MALRD1: variants seen among roughly 807,000 people sequenced by gnomAD.
MALRD1 encodes the protein MAM and LDL receptor class A domain containing 1.
A neutral mutation model predicts 242.1 loss-of-function variants in MALRD1; 247 were observed. The observed-to-expected ratio is 1.02, with a 90% confidence interval of 0.92 to 1.13. The LOEUF is 1.13. MALRD1 is among the 50% of genes most tolerant of loss of function. The pLI is 0.00. For synonymous variants in MALRD1, 995 were observed against 866.6 expected (o/e 1.15, Z -2.60); for missense variants, 2,989 against 2,533.1 (o/e 1.18, Z -3.86).
intron 26 of MALRD1, among the ~76,000 whole-genome samples, chr10:19,383,755 T>TTA (rs1394741125): frequency 1.3e-5 from 2 of 151,920 alleles, no homozygotes; most frequent in African/African-American, 4.8e-5. Flanking sequence ...AACAAAAACT[T>TTA]TATGGGCTGC....
chr10:19,174,926 G>A lies in MALRD1; in HGVS notation c.1831-282G>A, dbSNP rs375720541. On this transcript the variant is annotated intron_variant, in intron 13 of 39. Transcript: ENST00000454679. ...CAAAGAGCTCATTATAAATGCATAT[G>A]ACTCTTAATGGCTCCAATGAGAAGA... Among the ~76,000 whole-genome samples the A allele has an allele frequency of 5.3e-5, 8 of 152,210 alleles. No individual in the cohort carries two copies. In the East Asian group the frequency reaches 5.8e-4, roughly 11 times the overall value.
intron 26 of MALRD1, among the ~76,000 whole-genome samples, chr10:19,365,673 A>C (rs112415785): frequency 3.1e-4 from 8 of 25,924 alleles, no homozygotes; most frequent in Non-Finnish European, 6.1e-4. Flanking sequence ...AAAAAAAAAA[A>C]AAAAAAAAAA....
rs190307583 is a variant in MALRD1 at position 19,064,724 on chromosome 10, T to C, written c.200-1995T>C. On this transcript the variant is annotated intron_variant, in intron 1 of 39. Coordinates refer to ENST00000454679, the MANE Select transcript of MALRD1 (RefSeq NM_001142308.3). ...GGTGGAGGCTGTGGCAAGCCAAGAT[T>C]GCACCACTGCACTTCAGCCTGGGCG... is the stretch of plus-strand genomic sequence containing the variant. 2.7e-3 allele frequency among the ~76,000 whole-genome samples: 398 copies of C among 146,480 alleles called. 1 individual carries two copies. Among genetic ancestry groups the C allele is most frequent in the African/African-American group, 9.6e-3 (381 of 39,488 alleles).
At chr10:19,557,893 C>G (rs1440162686) in intron 32 of MALRD1, among the ~76,000 whole-genome samples, 1 of 151,910 alleles carries the variant, frequency 6.6e-6, no homozygotes, top group Non-Finnish European at 1.5e-5. Context: ...TTGAGTCTTC[C>G]TCATGAAATA....
intron 29 of MALRD1, among the ~76,000 whole-genome samples, chr10:19,490,506 C>CGGCG (rs771119301): frequency 1.0e-4 from 2 of 19,886 alleles, no homozygotes; most frequent in South Asian, 6.8e-3. Context: ...CCAAGTGGGG[C>CGGCG]GGGGGGGGGG....
intron 18 of MALRD1, among the ~76,000 whole-genome samples, chr10:19,237,269 C>T (rs928531016): frequency 2.6e-5 from 4 of 151,264 alleles, no homozygotes; most frequent in Non-Finnish European, 5.9e-5. Flanking sequence ...AACTGTTAAC[C>T]AGTCTCCCTC....
intron 19 of MALRD1, among the ~76,000 whole-genome samples, chr10:19,274,688 C>T (rs1840417952): frequency 6.6e-6 from 1 of 152,086 alleles, no homozygotes; most frequent in Non-Finnish European, 1.5e-5. Flanking sequence ...ATGGATTAAC[C>T]TCGAGGACAT....
At chr10:19,178,193 A>C (rs771357126) in intron 14 of MALRD1, among the ~76,000 whole-genome samples, 2 of 152,244 alleles carry the variant, frequency 1.3e-5, no homozygotes, top group African/African-American at 2.4e-5. Flanking sequence ...TCTGAACACC[A>C]AATCAGTTGG....
At chr10:19,305,944 CTA>C (rs1377000244) in intron 21 of MALRD1, among the ~76,000 whole-genome samples, 13 of 124,172 alleles carry the variant, frequency 1.0e-4, no homozygotes, top group South Asian at 9.2e-4. Flanking sequence ...GTAAACTATA[CTA>C]TATATTATAT....
intron 19 of MALRD1, among the ~76,000 whole-genome samples, chr10:19,258,645 G>C (rs556823519): frequency 6.6e-6 from 1 of 152,270 alleles, no homozygotes; most frequent in East Asian, 1.9e-4. Flanking sequence ...AGTCTTTTCA[G>C]TTGTAGCTAT....
intron 33 of MALRD1, among the ~76,000 whole-genome samples, chr10:19,586,821 C>T (rs1023250099): frequency 6.6e-6 from 1 of 152,244 alleles, no homozygotes; most frequent in Non-Finnish European, 1.5e-5. Flanking sequence ...GCCCCTCCCC[C>T]AGCCTCGCTG....
intron 34 of MALRD1, among the ~76,000 whole-genome samples, chr10:19,607,264 A>G (rs1838683363): frequency 1.3e-5 from 2 of 152,122 alleles, no homozygotes; most frequent in African/African-American, 4.8e-5. Context: ...TGGATAGCTA[A>G]AACAACAGGA....
At chr10:19,165,242 A>AATATATATATATATATATATAT (rs57449195) in intron 12 of MALRD1, among the ~76,000 whole-genome samples, 1,516 of 68,730 alleles carry the variant, frequency 0.022, 83 homozygotes, top group Middle Eastern at 0.042. Flanking sequence ...AGTTGTTTGG[A>AATATATATATATATATATATAT]ATATATATAT....
At chr10:19,592,763 GCACGCA>G (rs1360562773) in intron 33 of MALRD1, among the ~76,000 whole-genome samples, 1 of 93,236 alleles carries the variant, frequency 1.1e-5, no homozygotes, top group African/African-American at 3.2e-5. Context: ...ACACACACAC[GCACGCA>G]CACACACACA....
intron 33 of MALRD1, among the ~76,000 whole-genome samples, chr10:19,579,594 A>T (rs1837006764): frequency 6.6e-6 from 1 of 152,146 alleles, no homozygotes; most frequent in Admixed American, 6.6e-5. Context: ...GCCCTATATC[A>T]GCTAGCCAAG....
At chr10:19,607,629 T>C (rs1838700356) in intron 34 of MALRD1, 148 bp from the exon 35 acceptor site, 3 of 1,156,322 alleles carry the variant, frequency 2.6e-6, no homozygotes, top group Non-Finnish European at 3.5e-6. Flanking sequence ...TGAAATATTC[T>C]TCAAAAAGAA....
chr10:19,228,851 A>G (rs958120567), intron 18 of MALRD1, among the ~76,000 whole-genome samples: 1 of 152,130 alleles, frequency 6.6e-6, no homozygotes, highest in Non-Finnish European at 1.5e-5. Flanking sequence ...TGAAGACTTT[A>G]CTTCAAAAAG....
intron 36 of MALRD1, among the ~76,000 whole-genome samples, chr10:19,660,955 C>G (rs1841399278): frequency 6.6e-6 from 1 of 152,068 alleles, no homozygotes; most frequent in Admixed American, 6.6e-5. Context: ...TGTAACAACC[C>G]CATCAAAAAG....
chr10:19,166,412 T>C (rs574409351), intron 13 of MALRD1, among the ~76,000 whole-genome samples: 1 of 152,272 alleles, frequency 6.6e-6, no homozygotes, highest in East Asian at 1.9e-4. Context: ...TGGTGGTTAC[T>C]AGAGGCTGAG....
Sources: gnomAD v4.1 joint callset for allele counts (sites outside exome capture counted in the v4.1 genomes callset) on GRCh38, gnomAD v4.1.1 for gene constraint, MANE v1.5 for transcripts, NCBI Gene and HGNC (gene_info 2026-07-23, HGNC 2026-07-21) for gene names.